Variants in ATRN observed in about 807,000 individuals in gnomAD.
ATRN encodes the protein attractin-2.
In ATRN, 54 loss-of-function variants were observed where a neutral mutation model predicts 178.7. The ratio of observed to expected loss-of-function variants is 0.30; its 90% confidence interval spans 0.24 to 0.38. ATRN has a LOEUF of 0.38. Ranked by LOEUF, ATRN falls within the 10% of genes least tolerant of loss-of-function variation. The pLI is 1.00. For missense variants in ATRN, 1,443 were observed against 1,815.1 expected (o/e 0.79, Z 3.73); for synonymous variants, 636 against 663.0 (o/e 0.96, Z 0.63).
At position 3,562,475 on chromosome 20, in the gene ATRN, T is replaced by C. The variant is rs769611586; in HGVS notation, c.1631+16T>C. 6.1e-5 allele frequency: 99 copies of C among 1,612,394 alleles called. No homozygotes were observed. The highest frequency in any genetic ancestry group is 8.0e-5 in the Non-Finnish European group (94 of 1,179,052). ...CCCAGATGTGGTGGGTACTTTTTCT[T>C]GAGCTTTCACTTTAAGGTGTAAATT... On this transcript the variant is annotated intron_variant, in intron 9 of 28. Coordinates refer to ENST00000262919, the MANE Select transcript of ATRN (RefSeq NM_139321.3).
rs997558242 is a variant in ATRN, at chr20:3,562,554, G to A, written c.1631+95G>A. Reference sequence around the variant, plus strand: ...GTGCTATCTTTTTGTTTTCATGCCTGGCAGATAATTCTGTTCGGCATTATA... The same window carrying A: ...GTGCTATCTTTTTGTTTTCATGCCTAGCAGATAATTCTGTTCGGCATTATA... On this transcript the variant is annotated intron_variant, in intron 9 of 28. Transcript: ENST00000262919. The A allele has an allele frequency of 2.4e-6, 3 of 1,273,734 alleles. No homozygotes were observed. The Admixed American group carries it at 6.1e-5, about 26-fold the overall frequency. 78.9% of individuals were successfully genotyped at this position (1,273,734 alleles called of 1,614,324 possible).
chr20:3,644,276 G>C lies in ATRN; in HGVS notation c.4165+8G>C, dbSNP rs1466176426. The C allele has an allele frequency of 1.9e-6, 3 of 1,598,128 alleles. No homozygotes were observed. The highest frequency in any genetic ancestry group is 1.7e-4 in the Middle Eastern group (1 of 6,018). On this transcript the variant is annotated splice_region_variant and intron_variant, in intron 28 of 28. Transcript: ENST00000262919. Reference sequence around the variant, plus strand: ...CTCCTCCTGGGCAGTCAGGTGAGTAGATGCGGTCCAGCGAAAGACACCTTC... The same window carrying C: ...CTCCTCCTGGGCAGTCAGGTGAGTACATGCGGTCCAGCGAAAGACACCTTC...
Position 3,562,329 on chromosome 20 carries a change from T to C in ATRN, c.1501T>C (p.Tyr501His). ...CCAGGGTGCCCTTGTGCAAGGGGGT[T>C]ACGGCCATAGCAGTGTTTACGACCA... ...HTQGALVQGG[Y>H]GHSSVYDHRT... is the part of the protein sequence containing the mutation. Residue 501 changes from tyrosine to histidine, a missense_variant, in exon 9 of 29, where the codon TAC becomes CAC. Around this residue, in one of 4 missense-constraint regions of ATRN, gnomAD observed 862 missense variants for 972.1 expected, o/e 0.89. Coordinates refer to ENST00000262919, the MANE Select transcript of ATRN (RefSeq NM_139321.3). The C allele has an allele frequency of 6.2e-7, 1 of 1,614,106 alleles. No homozygotes were observed. The highest frequency in any genetic ancestry group is 1.1e-5 in the South Asian group (1 of 91,070).
intron 1 of ATRN, among the ~76,000 whole-genome samples, chr20:3,506,468 A>G (rs1010228378): frequency 2.6e-5 from 4 of 152,104 alleles, no homozygotes; most frequent in African/African-American, 9.7e-5. Context: ...TACTAAAAAT[A>G]CAAAAATTAG....
At position 3,471,919 on chromosome 20, in the gene ATRN, C is replaced by A. The variant is rs568463197; in HGVS notation, c.410+402C>A. Among the ~76,000 whole-genome samples, 4 of 152,282 alleles carry A rather than the reference C, an allele frequency of 2.6e-5. No homozygotes were observed. The South Asian group carries it at 8.3e-4, about 32-fold the overall frequency. On this transcript the variant is annotated intron_variant, in intron 1 of 28. Transcript: ENST00000262919. ...TTTAACATCCACATGTGCCCTAGGA[C>A]CCGATGAGTTCCCCGATGCACTGGA...
intron 6 of ATRN, among the ~76,000 whole-genome samples, chr20:3,558,990 T>G (rs1309344227): frequency 6.6e-6 from 1 of 152,230 alleles, no homozygotes; most frequent in Admixed American, 6.5e-5. Context: ...AGATTAGTAA[T>G]TTTCTTTTAC....
At chr20:3,616,773 T>C (rs565905363) in intron 24 of ATRN, among the ~76,000 whole-genome samples, 1 of 152,060 alleles carries the variant, frequency 6.6e-6, no homozygotes, top group Non-Finnish European at 1.5e-5. Context: ...GCCTAAGTCC[T>C]GGGAGGACTT....
At chr20:3,593,290 A>T (rs2086479061) in intron 19 of ATRN, among the ~76,000 whole-genome samples, 1 of 152,226 alleles carries the variant, frequency 6.6e-6, no homozygotes, top group Non-Finnish European at 1.5e-5. Flanking sequence ...CGTGGTGTTT[A>T]TAGAATACTG....
At chr20:3,589,177 T>A (rs1476980095) in intron 18 of ATRN, among the ~76,000 whole-genome samples, 1 of 152,010 alleles carries the variant, frequency 6.6e-6, no homozygotes, top group Admixed American at 6.6e-5. Flanking sequence ...TTTTGCTTTT[T>A]TTAGTAGAGA....
intron 6 of ATRN, 23 bp from the exon 7 acceptor site, chr20:3,559,370 A>G (rs1427444305): frequency 6.4e-7 from 1 of 1,552,284 alleles, no homozygotes; most frequent in African/African-American, 1.4e-5. Context: ...GTTGGGTGAA[A>G]ATATGATCTG....
At chr20:3,493,359 G>A (rs1014925450) in intron 1 of ATRN, among the ~76,000 whole-genome samples, 1 of 149,678 alleles carries the variant, frequency 6.7e-6, no homozygotes, top group Non-Finnish European at 1.5e-5. Context: ...GGGGTCTCAC[G>A]ATGATGCCTA....
chr20:3,480,898 G>T (rs1269270457), intron 1 of ATRN, among the ~76,000 whole-genome samples: 1 of 152,098 alleles, frequency 6.6e-6, no homozygotes, highest in African/African-American at 2.4e-5. Context: ...ATCTTACACT[G>T]GTTTTTCTTG....
intron 5 of ATRN, 79 bp downstream of exon 5, chr20:3,547,568 C>T: frequency 9.0e-7 from 1 of 1,116,870 alleles, no homozygotes; most frequent in Non-Finnish European, 1.3e-6. Context: ...TGACTTTATT[C>T]TTAGCACCTA....
At chr20:3,510,775 CT>C (rs1444931334) in intron 1 of ATRN, among the ~76,000 whole-genome samples, 1 of 152,010 alleles carries the variant, frequency 6.6e-6, no homozygotes, top group African/African-American at 2.4e-5. Context: ...TATATAATTA[CT>C]ATTTTTTTCC....
chr20:3,577,875 C>T (rs2086233313), intron 14 of ATRN, among the ~76,000 whole-genome samples: 1 of 152,208 alleles, frequency 6.6e-6, no homozygotes. Context: ...TCTTTTATCT[C>T]AGTGACTGTT....
At chr20:3,608,894 G>A (rs2086717628) in intron 24 of ATRN, among the ~76,000 whole-genome samples, 2 of 151,068 alleles carry the variant, frequency 1.3e-5, no homozygotes, top group South Asian at 4.2e-4. Context: ...TTGAACCCGG[G>A]AGGAGGAGGC....
intron 6 of ATRN, among the ~76,000 whole-genome samples, chr20:3,554,305 TTTTATTTATTTATTTATTTATTTA>T: frequency 7.2e-6 from 1 of 139,236 alleles, no homozygotes; most frequent in Middle Eastern, 3.5e-3. Flanking sequence ...GATTACAGAT[TTTTATTTATTTATTTATTTATTTA>T]TTTATTTATT....
chr20:3,515,419 G>T (rs2085193947), intron 1 of ATRN, among the ~76,000 whole-genome samples: 1 of 152,190 alleles, frequency 6.6e-6, no homozygotes, highest in South Asian at 2.1e-4. Context: ...AAGGCAGGTA[G>T]ATTTACTAAA....
rs2085569646 is a variant in ATRN at position 3,538,356 on chromosome 20, AT to A, written c.495-1864del. On this transcript the variant is annotated intron_variant, in intron 2 of 28. Coordinates refer to ENST00000262919, the MANE Select transcript of ATRN (RefSeq NM_139321.3). ...TTCACCCACCATTTCTCCTTGAACC[AT>A]TAGTAAATGCCAGCATGGTTATAAA... 7.9e-5 allele frequency among the ~76,000 whole-genome samples: 12 copies of A among 152,216 alleles called. No individual in the cohort carries two copies. In the South Asian group the frequency reaches 2.5e-3, roughly 32 times the overall value.
Sources: allele counts gnomAD v4.1 joint callset (sites outside exome capture counted in the v4.1 genomes callset), GRCh38; gene constraint gnomAD v4.1.1; regional missense constraint gnomAD v4.1.1; transcripts MANE v1.5; gene names NCBI Gene and HGNC (gene_info 2026-07-23, HGNC 2026-07-21).